SYT16: variants seen among roughly 807,000 people sequenced by gnomAD.
SYT16 encodes the protein synaptotagmin 16, also known as synaptotagmin-16.
Under a neutral mutation model 61.4 loss-of-function variants are expected in SYT16, and 42 were observed. The ratio of observed to expected loss-of-function variants is 0.68; its 90% CI spans 0.53 to 0.89. SYT16 has a LOEUF of 0.89. Ranked by LOEUF, SYT16 falls within the 40% of genes least tolerant of loss-of-function variation. SYT16 has a pLI of 0.00. For synonymous variants in SYT16, 314 were observed against 302.3 expected, an observed-to-expected ratio of 1.04 and a Z score of -0.40; for missense variants, 804 against 807.3, an observed-to-expected ratio of 1.00 and a Z score of 0.05.
At chr14:61,847,360 A>C (rs775573399) in intron 1 of SYT16, among the ~76,000 whole-genome samples, 3 of 152,182 alleles carry the variant, frequency 2.0e-5, no homozygotes, top group Non-Finnish European at 4.4e-5. Context: ...CCAGCACTTT[A>C]AATATGTCAT....
intron 3 of SYT16, among the ~76,000 whole-genome samples, chr14:62,016,312 A>AT (rs1219835934): frequency 6.6e-6 from 1 of 152,202 alleles, no homozygotes; most frequent in Non-Finnish European, 1.5e-5. Context: ...CCAGAGAGGC[A>AT]CTATCATTCA....
chr14:61,858,859 C>CTTTTTTTTT (rs541030567), intron 1 of SYT16, among the ~76,000 whole-genome samples: 2 of 138,938 alleles, frequency 1.4e-5, no homozygotes, highest in Middle Eastern at 3.7e-3. Context: ...CTTTTCTTTT[C>CTTTTTTTTT]TTTTTTTTTT....
chr14:62,083,606 C>A (rs4902102), intron 6 of SYT16, among the ~76,000 whole-genome samples: 152,083 of 152,354 alleles, frequency 1, 75,907 homozygotes, highest in Middle Eastern at 1. Context: ...CAGTTGTAAA[C>A]GTGCTCATTT....
chr14:61,996,188 T>C lies in SYT16; in HGVS notation c.169T>C (p.Leu57=), dbSNP rs1566748219. 1 of 1,613,424 alleles carries C rather than the reference T, an allele frequency of 6.2e-7. No homozygotes were observed. The highest frequency in any genetic ancestry group is 8.5e-7 in the Non-Finnish European group (1 of 1,179,566). Reference sequence around the variant, plus strand: ...ATTGAGTGACAAACTAGATCAGGACTTAGATAATATTCAGATTCAGGAAAC... The same window carrying C: ...ATTGAGTGACAAACTAGATCAGGACCTAGATAATATTCAGATTCAGGAAAC... ...SKLSDKLDQD[L]DNIQIQETYF... Residue 57 remains leucine (L), a synonymous_variant, in exon 3 of 8, where the codon TTA becomes CTA. Transcript: ENST00000683842.
At chr14:62,009,364 CTG>C (rs1460831448) in intron 3 of SYT16, among the ~76,000 whole-genome samples, 4 of 152,168 alleles carry the variant, frequency 2.6e-5, no homozygotes, top group African/African-American at 9.7e-5. Flanking sequence ...TGAATTTTAT[CTG>C]TCTTACTCTA....
intron 1 of SYT16, among the ~76,000 whole-genome samples, chr14:61,916,328 A>G (rs1432487485): frequency 6.6e-6 from 1 of 152,162 alleles, no homozygotes; most frequent in African/African-American, 2.4e-5. Flanking sequence ...GCCTAGGTGA[A>G]GAAAATAAAT....
At chr14:61,907,731 GT>G in intron 1 of SYT16, among the ~76,000 whole-genome samples, 1 of 152,212 alleles carries the variant, frequency 6.6e-6, no homozygotes, top group Non-Finnish European at 1.5e-5. Context: ...GTTTTTCCAT[GT>G]TTTATGAATC....
chr14:61,822,555 G>A (rs1285692739), intron 1 of SYT16, among the ~76,000 whole-genome samples: 1 of 152,212 alleles, frequency 6.6e-6, no homozygotes, highest in South Asian at 2.1e-4. Flanking sequence ...CTCCGTCAGA[G>A]AAGAAATTGT....
chr14:62,096,775 G>A (rs1192741860), intron 7 of SYT16, among the ~76,000 whole-genome samples: 1 of 152,032 alleles, frequency 6.6e-6, no homozygotes, highest in Non-Finnish European at 1.5e-5. Context: ...ATCCCAAAGA[G>A]GGAGACTAAA....
intron 2 of SYT16, among the ~76,000 whole-genome samples, chr14:61,975,792 C>T (rs1370792299): frequency 2.0e-5 from 3 of 152,162 alleles, no homozygotes; most frequent in East Asian, 3.9e-4. Flanking sequence ...CAAAGCCTAA[C>T]CATATTATTC....
chr14:62,041,610 A>G (rs569770583), intron 3 of SYT16, among the ~76,000 whole-genome samples: 3 of 152,102 alleles, frequency 2.0e-5, no homozygotes, highest in Non-Finnish European at 2.9e-5. Flanking sequence ...GGTTCAAGCA[A>G]TTGTCCTGCC....
intron 3 of SYT16, among the ~76,000 whole-genome samples, chr14:62,037,823 G>T (rs1461638935): frequency 1.3e-5 from 2 of 152,118 alleles, no homozygotes; most frequent in African/African-American, 4.8e-5. Context: ...TTTCTTAAGT[G>T]AACCTGACTT....
At chr14:62,051,258 G>T (rs1390562954) in intron 3 of SYT16, among the ~76,000 whole-genome samples, 1 of 152,340 alleles carries the variant, frequency 6.6e-6, no homozygotes, top group East Asian at 1.9e-4. Context: ...GTCGGCTTAG[G>T]ACCCTCCGAG....
At chr14:61,989,541 C>T (rs542012379) in intron 2 of SYT16, among the ~76,000 whole-genome samples, 87 of 152,264 alleles carry the variant, frequency 5.7e-4, no homozygotes, top group Non-Finnish European at 8.4e-4. Flanking sequence ...CCAGCCTGGG[C>T]AACAGAGCAA....
At chr14:61,994,057 C>T (rs11844687) in intron 2 of SYT16, among the ~76,000 whole-genome samples, 6,791 of 152,082 alleles carry the variant, frequency 0.045, 518 homozygotes, top group African/African-American at 0.15. Context: ...ATGAAGCGAA[C>T]TAGGTATGTA....
chr14:61,848,196 C>T (rs1376138448), intron 1 of SYT16, among the ~76,000 whole-genome samples: 1 of 152,076 alleles, frequency 6.6e-6, no homozygotes, highest in Non-Finnish European at 1.5e-5. Flanking sequence ...ATTCATTCTT[C>T]TTGGGAAAGC....
At chr14:61,850,027 T>C (rs953740748) in intron 1 of SYT16, among the ~76,000 whole-genome samples, 1 of 152,250 alleles carries the variant, frequency 6.6e-6, no homozygotes, top group African/African-American at 2.4e-5. Context: ...TTCCCTTTTC[T>C]CTGCATCCAT....
At chr14:61,917,131 G>A (rs183291009) in intron 1 of SYT16, among the ~76,000 whole-genome samples, 63 of 152,242 alleles carry the variant, frequency 4.1e-4, no homozygotes, top group African/African-American at 1.5e-3. Flanking sequence ...GGATCATATG[G>A]TAGGTCTGTA....
At chr14:61,826,112 G>T (rs547622063) in intron 1 of SYT16, among the ~76,000 whole-genome samples, 1 of 149,998 alleles carries the variant, frequency 6.7e-6, no homozygotes, top group Non-Finnish European at 1.5e-5. Flanking sequence ...ACTTATTCCC[G>T]TTCAGGGTTG....
Sources: allele counts gnomAD v4.1 joint callset (sites outside exome capture counted in the v4.1 genomes callset), GRCh38; gene constraint gnomAD v4.1.1; transcripts MANE v1.5; gene names NCBI Gene and HGNC (gene_info 2026-07-23, HGNC 2026-07-21).